Variants in KRT71 observed in about 807,000 individuals in gnomAD.
KRT71 encodes the protein keratin 71.
Under a neutral mutation model 46.2 loss-of-function variants are expected in KRT71, and 42 were observed. The observed-to-expected ratio is 0.91, with a 90% CI of 0.71 to 1.18. The LOEUF is 1.18. Among genes scored for constraint, KRT71 ranks in the 50% most tolerant of loss-of-function variants. The pLI is 0.00. For synonymous variants in KRT71, 292 were observed against 277.8 expected, an observed-to-expected ratio of 1.05 and a Z score of -0.51; for missense variants, 708 against 677.9, an observed-to-expected ratio of 1.04 and a Z score of -0.49.
intron 7 of KRT71, among the ~76,000 whole-genome samples, chr12:52,545,933 C>T (rs538376310): frequency 6.6e-6 from 1 of 152,062 alleles, no homozygotes; most frequent in African/African-American, 2.4e-5. Context: ...CGGCACACCC[C>T]CAACAAGCTG....
Position 52,547,898 on chromosome 12 carries a change from T to A in KRT71, c.1063A>T (p.Ile355Phe), listed in dbSNP as rs35988863. The change falls in exon 6 of 9, where the codon ATC (isoleucine) becomes TTC (phenylalanine). Residue 355 changes from isoleucine to phenylalanine, a missense_variant. Physicochemically the swap from Ile to Phe is conservative, Grantham distance 21. Transcript: ENST00000267119. The part of the protein sequence containing the change: ...KNEISELTRL[I>F]QRIRSEIENV... ...TCGATCTCTGAGCGGATTCTCTGGA[T>A]GAGCCGAGTGAGCTCCGAGATTTCA... 2.6e-3 allele frequency: 4,144 copies of A among 1,614,168 alleles called. 83 individuals are homozygous for A. The African/African-American group carries it at 0.04, about 15-fold the overall frequency.
Position 52,544,758 on chromosome 12 carries a change from G to A in KRT71, c.1361-15C>T, listed in dbSNP as rs759267612. On this transcript the variant is annotated splice_polypyrimidine_tract_variant and intron_variant, in intron 8 of 8. Transcript: ENST00000267119. ...GCTGATGATGGCTGCAGGAGGAGCC[G>A]AAGCCAACACCCACTCAGGCAGAGA... is the stretch of plus-strand genomic sequence containing the variant. 1.1e-5 allele frequency: 18 copies of A among 1,595,694 alleles called. No homozygotes were observed. Among genetic ancestry groups the A allele is most frequent in the African/African-American group, 5.4e-5 (4 of 74,616 alleles).
Position 52,550,141 on chromosome 12 carries a change from C to G in KRT71, c.544G>C (p.Glu182Gln), listed in dbSNP as rs771467377. 3 of 1,614,144 alleles carry G rather than the reference C, an allele frequency of 1.9e-6. No individual in the cohort carries two copies. The highest frequency in any genetic ancestry group is 2.5e-6 in the Non-Finnish European group (3 of 1,180,026). The change falls in exon 2 of 9, where the codon GAG (glutamate) becomes CAG (glutamine). Residue 182 changes from glutamate to glutamine, a missense_variant. Coordinates refer to ENST00000267119, the MANE Select transcript of KRT71 (RefSeq NM_033448.3). ...TTCCGCAGGTTGCTGATGTAGCCCT[C>G]GAGGATGGGCTCCAGGTTGTTCTTG... is the stretch of plus-strand genomic sequence containing the variant. Reference protein sequence around the residue: ...NCKNNLEPILEGYISNLRKQL... With the variant: ...NCKNNLEPILQGYISNLRKQL...
rs777330443 is a variant in KRT71, at chr12:52,548,718, TGAA to T, written c.793_795del (p.Phe265del). 1 of 1,614,118 alleles carries T rather than the reference TGAA, an allele frequency of 6.2e-7. No homozygotes were observed. The highest frequency in any genetic ancestry group is 1.1e-5 in the South Asian group (1 of 91,080). On this transcript the variant is annotated inframe_deletion, in exon 4 of 9. Coordinates refer to ENST00000267119, the MANE Select transcript of KRT71 (RefSeq NM_033448.3). The stretch of plus-strand genomic sequence containing the variant: ...AGACTTACGGCTTCAAAGAGACACC[TGAA>T]GAACTTGATCTCCTGGTCCATGGAT...
intron 4 of KRT71, 52 bp from the exon 5 acceptor site, chr12:52,548,368 C>A: frequency 6.4e-7 from 1 of 1,554,012 alleles, no homozygotes; most frequent in Non-Finnish European, 8.7e-7. Context: ...CGGAAGCCAA[C>A]CACCACCCCC....
chr12:52,548,620 C>T (rs1939102067), intron 4 of KRT71, 81 bp downstream of exon 4: 2 of 1,267,412 alleles, frequency 1.6e-6, no homozygotes, highest in Non-Finnish European at 2.3e-6. Flanking sequence ...GGGCTGGGGC[C>T]TCCATGTCTC....
chr12:52,549,939 C>A (rs970812335), intron 2 of KRT71, 90 bp downstream of exon 2: 5 of 1,487,218 alleles, frequency 3.4e-6, no homozygotes, highest in Non-Finnish European at 4.7e-6. Context: ...CTCCACTGAC[C>A]TCCAAAGCAT....
At chr12:52,545,443 T>C (rs1430887888) in intron 8 of KRT71, 122 bp downstream of exon 8, 2 of 598,028 alleles carry the variant, frequency 3.3e-6, no homozygotes, top group East Asian at 3.1e-5. Context: ...GGCTTTGTGA[T>C]CTCAGGCAAA....
In KRT71 at chr12:52,546,791, G is replaced by A. The variant is rs545865319; in HGVS notation, c.1105-285C>T. Among the ~76,000 whole-genome samples, 71 of 152,364 alleles carry A rather than the reference G, an allele frequency of 4.7e-4. 1 individual carries two copies. The highest frequency in any genetic ancestry group is 3.7e-3 in the Admixed American group (56 of 15,312). On this transcript the variant is annotated intron_variant, in intron 6 of 8. Coordinates refer to ENST00000267119, the MANE Select transcript of KRT71 (RefSeq NM_033448.3). ...CATTTATTCAGCCATATTGTGCCAAGGGCACGAAATGAATGACAGCAATAC... is the reference window on the plus strand; with the variant it reads ...CATTTATTCAGCCATATTGTGCCAAAGGCACGAAATGAATGACAGCAATAC...
intron 4 of KRT71, 97 bp downstream of exon 4, chr12:52,548,604 C>T (rs993536830): frequency 4.6e-6 from 5 of 1,084,558 alleles, no homozygotes; most frequent in Admixed American, 3.7e-5. Context: ...TGAGGGGTCT[C>T]ACTGAGGGCT....
rs943412570 is a variant in KRT71, at chr12:52,544,350, C to A, written c.*182G>T. 2.2e-5 allele frequency: 15 copies of A among 689,202 alleles called. No individual in the cohort carries two copies. The East Asian group carries it at 3.7e-4, about 17-fold the overall frequency. 42.7% of individuals were successfully genotyped at this position (689,202 alleles called of 1,614,324 possible). A position where few individuals can be genotyped will look rare whatever the true frequency, so the allele number is the denominator to read the frequency against. Reference sequence around the variant, plus strand: ...AGGGAGGAATTTCACCAAGCTTGGTCATCCAGGCCTTCCCAGGATCAGGAA... The same window carrying A: ...AGGGAGGAATTTCACCAAGCTTGGTAATCCAGGCCTTCCCAGGATCAGGAA... On this transcript the variant is annotated 3_prime_UTR_variant, in exon 9 of 9. Transcript: ENST00000267119.
rs1592203309 is a variant in KRT71 at position 52,545,640 on chromosome 12, A to G, written c.1326-41T>C. On this transcript the variant is annotated intron_variant, in intron 7 of 8. Transcript: ENST00000267119. ...ATAAAATAAGAGGAGAAGAGAAGTC[A>G]TCCAGCTCAGTCTCTTTAAAGCTAC... The G allele has an allele frequency of 4.6e-6, 6 of 1,300,438 alleles. No homozygotes were observed. The East Asian group carries it at 1.4e-4, about 31-fold the overall frequency. 80.6% of individuals were successfully genotyped at this position (1,300,438 alleles called of 1,614,324 possible).
chr12:52,546,167 T>C, intron 7 of KRT71, 119 bp downstream of exon 7: 1 of 1,054,228 alleles, frequency 9.5e-7, no homozygotes, highest in Non-Finnish European at 1.4e-6. Context: ...ATTATTTCTA[T>C]CCTCATCACC....
At chr12:52,546,590 G>A (rs909055734) in intron 6 of KRT71, 84 bp from the exon 7 acceptor site, 1 of 1,387,684 alleles carries the variant, frequency 7.2e-7, no homozygotes, top group South Asian at 1.3e-5. Flanking sequence ...CCTTAGAGTG[G>A]GGCAGAGTGG....
intron 7 of KRT71, 31 bp downstream of exon 7, chr12:52,546,255 G>A: frequency 8.7e-6 from 14 of 1,611,884 alleles, no homozygotes; most frequent in Non-Finnish European, 1.2e-5. Context: ...CAAACCCCTG[G>A]GGCCCTCCTG....
At position 52,547,887 on chromosome 12, in the gene KRT71, G is replaced by T. The variant is rs1421819150; in HGVS notation, c.1074C>A (p.Ile358=). ...ISELTRLIQR[I]RSEIENVKKQ... is the part of the protein sequence containing the mutation. Reference sequence around the variant, plus strand: ...TCTTCACGTTCTCGATCTCTGAGCGGATTCTCTGGATGAGCCGAGTGAGCT... The same window carrying T: ...TCTTCACGTTCTCGATCTCTGAGCGTATTCTCTGGATGAGCCGAGTGAGCT... The change falls in exon 6 of 9, where the codon ATC becomes ATA. Residue 358 remains isoleucine, a synonymous_variant. Coordinates refer to ENST00000267119, the MANE Select transcript of KRT71 (RefSeq NM_033448.3). 1 of 1,614,048 alleles carries T rather than the reference G, an allele frequency of 6.2e-7. No individual in the cohort carries two copies. The highest frequency in any genetic ancestry group is 8.5e-7 in the Non-Finnish European group (1 of 1,180,036).
chr12:52,545,577 G>A lies in KRT71; in HGVS notation c.1348C>T (p.Pro450Ser), dbSNP rs141532578. The part of the protein sequence containing the change: ...ECRMSGEFPS[P>S]VSISIISSTS... ...TACAAATACTTACAGATGCTGACAG[G>A]GGAGGGAAATTCTCCTGACATCCTA... The change falls in exon 8 of 9, where the codon CCT (proline) becomes TCT (serine). Residue 450 changes from proline (P) to serine (S), a missense_variant. Pro to Ser is a moderately conservative substitution (Grantham distance 74, BLOSUM62 -1). Coordinates refer to ENST00000267119, the MANE Select transcript of KRT71 (RefSeq NM_033448.3). 1 of 1,559,762 alleles carries A rather than the reference G, an allele frequency of 6.4e-7. No individual in the cohort carries two copies. The highest frequency in any genetic ancestry group is 2.3e-5 in the East Asian group (1 of 44,270).
In KRT71 at chr12:52,550,250, C is replaced by T; in HGVS notation, c.442-7G>A. ...GCTGCTCCAGGAACCGCACCTGGAA[C>T]CCAGATCCCAGAAACTGCTGAACCC... is the stretch of plus-strand genomic sequence containing the variant. On this transcript the variant is annotated splice_polypyrimidine_tract_variant and splice_region_variant and intron_variant, in intron 1 of 8. Transcript: ENST00000267119. 6.2e-7 allele frequency: 1 copy of T among 1,613,888 alleles called. No homozygotes were observed. The highest frequency in any genetic ancestry group is 8.5e-7 in the Non-Finnish European group (1 of 1,180,008).
In KRT71 at chr12:52,546,432, C is replaced by G. The variant is rs1361938457; in HGVS notation, c.1179G>C (p.Lys393Asn). The part of the protein sequence containing the change: ...GDNALKDARA[K>N]LDELEGALHQ... The stretch of plus-strand genomic sequence containing the variant: ...GCAGGGCGCCCTCCAGCTCGTCCAG[C>G]TTGGCCCGGGCATCCTTCAGGGCGT... The change falls in exon 7 of 9, where the codon AAG (lysine) becomes AAC (asparagine). Residue 393 changes from lysine (K) to asparagine (N), a missense_variant. Physicochemically the swap from Lys to Asn is moderately conservative, Grantham distance 94. Coordinates refer to ENST00000267119, the MANE Select transcript of KRT71 (RefSeq NM_033448.3). 3 of 1,614,232 alleles carry G rather than the reference C, an allele frequency of 1.9e-6. No homozygotes were observed. Among genetic ancestry groups the G allele is most frequent in the Non-Finnish European group, 8.5e-7 (1 of 1,180,044 alleles).
Sources: gnomAD v4.1 joint callset for allele counts (sites outside exome capture counted in the v4.1 genomes callset) on GRCh38, gnomAD v4.1.1 for gene constraint, MANE v1.5 for transcripts, NCBI Gene and HGNC (gene_info 2026-07-23, HGNC 2026-07-21) for gene names.